The following GRB14 variants were observed in gnomAD, a reference collection of about 807,000 sequenced individuals.
GRB14 encodes the protein growth factor receptor-bound protein 14.
A neutral mutation model predicts 69.1 loss-of-function variants in GRB14; 38 were observed. The ratio of observed to expected loss-of-function variants is 0.55; its 90% CI spans 0.42 to 0.72. GRB14 has a LOEUF of 0.72. GRB14 is among the 30% of genes least tolerant of loss of function. GRB14 has a pLI of 0.00. For missense variants in GRB14, 666 were observed against 666.1 expected (o/e 1.00, Z 0.00); for synonymous variants, 247 against 241.3 (o/e 1.02, Z -0.22).
chr2:164,607,835 C>A (rs1690075725), intron 2 of GRB14, among the ~76,000 whole-genome samples: 2 of 152,110 alleles, frequency 1.3e-5, no homozygotes, highest in Admixed American at 1.3e-4. Flanking sequence ...TTTTATCATA[C>A]CTTGGCCAAA....
rs201610267 is a variant in GRB14, at chr2:164,593,453, C to CA, written c.324+26233dup. 8.4e-4 allele frequency among the ~76,000 whole-genome samples: 127 copies of CA among 151,962 alleles called. 2 individuals carry two copies. In the East Asian group the frequency reaches 0.022, roughly 26 times the overall value. On this transcript the variant is annotated intron_variant, in intron 2 of 13. Coordinates refer to ENST00000263915, the MANE Select transcript of GRB14 (RefSeq NM_004490.3). ...AAAGACAATTTTAAAATGCCTTGAG[C>CA]AAAAAATGACTAGAATTCTATATTC... is the stretch of plus-strand genomic sequence containing the variant.
chr2:164,554,991 C>A (rs1688642430), intron 2 of GRB14, among the ~76,000 whole-genome samples: 1 of 151,850 alleles, frequency 6.6e-6, no homozygotes, highest in Non-Finnish European at 1.5e-5. Flanking sequence ...AAATGAAAGT[C>A]AAAGGCCATT....
chr2:164,619,283 T>C (rs1690382058), intron 2 of GRB14, among the ~76,000 whole-genome samples: 2 of 152,154 alleles, frequency 1.3e-5, no homozygotes, highest in African/African-American at 4.8e-5. Context: ...GTTGAAAATG[T>C]GAAAAATTAA....
chr2:164,560,280 A>G (rs1464689833), intron 2 of GRB14, among the ~76,000 whole-genome samples: 2 of 152,076 alleles, frequency 1.3e-5, no homozygotes, highest in African/African-American at 2.4e-5. Flanking sequence ...ATCCCAAAGC[A>G]CCTAGCTTTT....
At chr2:164,618,170 T>G (rs1690351985) in intron 2 of GRB14, among the ~76,000 whole-genome samples, 1 of 152,100 alleles carries the variant, frequency 6.6e-6, no homozygotes, top group African/African-American at 2.4e-5. Context: ...TTTTACCATG[T>G]TGGACAGGAT....
intron 2 of GRB14, among the ~76,000 whole-genome samples, chr2:164,583,758 G>A (rs1023535854): frequency 3.3e-5 from 5 of 152,146 alleles, no homozygotes; most frequent in Non-Finnish European, 7.3e-5. Flanking sequence ...ATCTGAAATT[G>A]TAAAATATCA....
chr2:164,580,955 C>G (rs931244942), intron 2 of GRB14, among the ~76,000 whole-genome samples: 4 of 152,188 alleles, frequency 2.6e-5, no homozygotes, highest in African/African-American at 7.2e-5. Context: ...GCAGGCTGTT[C>G]TATTAGCGAA....
At chr2:164,591,261 G>A (rs1689656219) in intron 2 of GRB14, among the ~76,000 whole-genome samples, 2 of 152,128 alleles carry the variant, frequency 1.3e-5, no homozygotes, top group African/African-American at 4.8e-5. Context: ...TCATACCACA[G>A]AAGTACCTTC....
chr2:164,508,401 A>G, intron 8 of GRB14, 54 bp downstream of exon 8: 1 of 1,391,808 alleles, frequency 7.2e-7, no homozygotes, highest in Non-Finnish European at 1.0e-6. Flanking sequence ...ATATTTTCTA[A>G]CTTTTATGGT....
At chr2:164,508,996 AT>A in intron 6 of GRB14, 144 bp from the exon 7 acceptor site, 1 of 429,464 alleles carries the variant, frequency 2.3e-6, no homozygotes, top group Non-Finnish European at 4.0e-6. Context: ...GAGAAAAAAA[AT>A]CTAAGCTGCC....
At chr2:164,558,005 G>C (rs1688722732) in intron 2 of GRB14, among the ~76,000 whole-genome samples, 1 of 152,104 alleles carries the variant, frequency 6.6e-6, no homozygotes, top group Non-Finnish European at 1.5e-5. Context: ...TGGCACAGAA[G>C]GGAAGTTAGC....
chr2:164,522,096 A>G lies in GRB14; in HGVS notation c.700T>C (p.Tyr234His). The G allele has an allele frequency of 6.3e-7, 1 of 1,594,078 alleles. No homozygotes were observed. Among genetic ancestry groups the G allele is most frequent in the Non-Finnish European group, 8.6e-7 (1 of 1,168,292 alleles). ...TGTAAGAAACCATGAATTTCAGGATATGTGCTTGAACTCAGAAACATCTGA... is the reference window on the plus strand; with the variant it reads ...TGTAAGAAACCATGAATTTCAGGATGTGTGCTTGAACTCAGAAACATCTGA... ...ILQMFLSSST[Y>H]PEIHGFLHAK... Residue 234 changes from tyrosine (Y) to histidine (H), a missense_variant, in exon 6 of 14, where the codon TAT becomes CAT. By Grantham distance (83) the Tyr-to-His change is moderately conservative. Coordinates refer to ENST00000263915, the MANE Select transcript of GRB14 (RefSeq NM_004490.3).
intron 3 of GRB14, among the ~76,000 whole-genome samples, chr2:164,529,926 A>T (rs1303656308): frequency 2.0e-5 from 3 of 152,230 alleles, no homozygotes; most frequent in African/African-American, 7.2e-5. Flanking sequence ...GAAGGTTCAC[A>T]GTATGTCAAA....
chr2:164,606,363 T>C (rs1208681446), intron 2 of GRB14, among the ~76,000 whole-genome samples: 1 of 152,232 alleles, frequency 6.6e-6, no homozygotes, highest in East Asian at 1.9e-4. Flanking sequence ...TTCTTAAAAT[T>C]ACATCCTTCA....
chr2:164,520,577 G>T (rs1055547873), intron 6 of GRB14, among the ~76,000 whole-genome samples: 1 of 152,014 alleles, frequency 6.6e-6, no homozygotes, highest in Admixed American at 6.6e-5. Flanking sequence ...ACAACTCACA[G>T]AGCAGGAGAA....
chr2:164,591,180 A>G (rs954526953), intron 2 of GRB14, among the ~76,000 whole-genome samples: 1 of 152,204 alleles, frequency 6.6e-6, no homozygotes, highest in East Asian at 1.9e-4. Context: ...GTAGAATATA[A>G]AGACTTTCTA....
chr2:164,580,366 T>C lies in GRB14; in HGVS notation c.325-32550A>G, dbSNP rs938979022. Among the ~76,000 whole-genome samples the C allele has an allele frequency of 5.8e-4, 87 of 151,300 alleles. 1 individual carries two copies. The highest frequency in any genetic ancestry group is 2.1e-3 in the African/African-American group (85 of 41,462). On this transcript the variant is annotated intron_variant, in intron 2 of 13. Coordinates refer to ENST00000263915, the MANE Select transcript of GRB14 (RefSeq NM_004490.3). ...CCTCAGCTTCCCAAAGTGCTGGGACTACAGGCGTGAGCCACCATGCCCAGC... is the reference window on the plus strand; with the variant it reads ...CCTCAGCTTCCCAAAGTGCTGGGACCACAGGCGTGAGCCACCATGCCCAGC...
intron 2 of GRB14, among the ~76,000 whole-genome samples, chr2:164,595,276 G>A (rs562015061): frequency 6.6e-6 from 1 of 152,240 alleles, no homozygotes; most frequent in East Asian, 1.9e-4. Flanking sequence ...AAGGCTCAGC[G>A]CTAACAATGG....
chr2:164,521,874 C>A, intron 6 of GRB14, 106 bp downstream of exon 6: 1 of 1,031,684 alleles, frequency 9.7e-7, no homozygotes, highest in East Asian at 2.5e-5. Flanking sequence ...AATCAAAGAC[C>A]AACCTTTGAC....
Sources: allele counts gnomAD v4.1 joint callset (sites outside exome capture counted in the v4.1 genomes callset), GRCh38; gene constraint gnomAD v4.1.1; transcripts MANE v1.5; gene names NCBI Gene and HGNC (gene_info 2026-07-23, HGNC 2026-07-21).